Variants in B3GALNT1 observed in about 807,000 individuals in gnomAD.
B3GALNT1 encodes the protein beta-1,3-N-acetylgalactosaminyltransferase 1 (Globoside blood group), also known as UDP-GalNAc:beta-1,3-N-acetylgalactosaminyltransferase 1.
Under a neutral mutation model 27.3 loss-of-function variants are expected in B3GALNT1, and 17 were observed. That is an observed-to-expected ratio of 0.62 (90% CI 0.43 to 0.94). The LOEUF (loss-of-function observed/expected upper bound fraction) is 0.94, where lower values mean the gene tolerates loss of function less well. Among genes scored for constraint, B3GALNT1 ranks in the 40% least tolerant of loss-of-function variants. The pLI, the probability that B3GALNT1 is intolerant of heterozygous loss-of-function variation, is 0.00. For missense variants in B3GALNT1, 347 were observed against 390.0 expected (o/e 0.89, Z 0.93); for synonymous variants, 141 against 144.0 (o/e 0.98, Z 0.15).
chr3:161,095,656 T>C (rs1474468964), intron 4 of B3GALNT1, among the ~76,000 whole-genome samples: 2 of 152,124 alleles, frequency 1.3e-5, no homozygotes, highest in Non-Finnish European at 2.9e-5. Context: ...TGGGGACTTA[T>C]GCCCAGAGGG....
intron 4 of B3GALNT1, among the ~76,000 whole-genome samples, chr3:161,093,877 A>G (rs148255025): frequency 9.4e-4 from 143 of 152,264 alleles, no homozygotes; most frequent in African/African-American, 3.2e-3. Context: ...TATTAACTAC[A>G]TATGAATTTG....
intron 4 of B3GALNT1, among the ~76,000 whole-genome samples, chr3:161,093,539 T>C (rs1400405827): frequency 3.9e-5 from 6 of 152,050 alleles, no homozygotes; most frequent in Admixed American, 3.9e-4. Flanking sequence ...AAATCCCATG[T>C]CCCAGGGGAG....
At position 161,086,758 on chromosome 3, in the gene B3GALNT1, C is replaced by T. The variant is rs762359962; in HGVS notation, c.-4G>A. 1.9e-6 allele frequency: 3 copies of T among 1,613,876 alleles called. No individual in the cohort carries two copies. Among genetic ancestry groups the T allele is most frequent in the Non-Finnish European group, 2.5e-6 (3 of 1,179,932 alleles). The stretch of plus-strand genomic sequence containing the variant: ...CAGTCCAGAGAGCCGAGGCCATCCA[C>T]AGCAGCTCAGAAGCACGCGAGCCGA... On this transcript the variant is annotated 5_prime_UTR_variant, in exon 5 of 5. The change creates a new upstream start codon in the 5' untranslated region. Coordinates refer to ENST00000320474, the MANE Select transcript of B3GALNT1 (RefSeq NM_003781.4).
intron 4 of B3GALNT1, among the ~76,000 whole-genome samples, chr3:161,093,387 T>C (rs1726346566): frequency 6.6e-6 from 1 of 152,188 alleles, no homozygotes; most frequent in Admixed American, 6.5e-5. Flanking sequence ...GGCCTCTGTG[T>C]TCATAGCATG....
rs1419471467 is a variant in B3GALNT1, at chr3:161,091,133, G to C, written c.-34-4345C>G. 2.0e-5 allele frequency among the ~76,000 whole-genome samples: 3 copies of C among 152,202 alleles called. No homozygotes were observed. In the East Asian group the frequency reaches 5.8e-4, roughly 29 times the overall value. ...AGAATAATAAAATTAGCCAGGCATG[G>C]TGGCATGAGCCTGTGGTCCCAGCTA... On this transcript the variant is annotated intron_variant, in intron 4 of 4. Transcript: ENST00000320474.
chr3:161,086,240 T>C lies in B3GALNT1; in HGVS notation c.515A>G (p.Asn172Ser), dbSNP rs747892222. The C allele has an allele frequency of 3.7e-6, 6 of 1,614,188 alleles. No individual in the cohort carries two copies. The highest frequency in any genetic ancestry group is 2.2e-5 in the East Asian group (1 of 44,876). Residue 172 changes from asparagine (N) to serine (S), a missense_variant, in exon 5 of 5, where the codon AAT (asparagine) becomes AGT (serine). Transcript: ENST00000320474. ...AFRWVTEFCP[N>S]AKYVMKTDTD... The stretch of plus-strand genomic sequence containing the variant: ...GTCTGTCTTCATTACGTACTTGGCA[T>C]TGGGGCAAAACTCAGTTACCCACCT...
At chr3:161,098,593 A>T (rs1729526957) in intron 4 of B3GALNT1, among the ~76,000 whole-genome samples, 1 of 152,182 alleles carries the variant, frequency 6.6e-6, no homozygotes, top group Admixed American at 6.5e-5. Flanking sequence ...CATGCCTGTA[A>T]TGCCAGCTAT....
intron 4 of B3GALNT1, among the ~76,000 whole-genome samples, chr3:161,099,274 T>C (rs1223908031): frequency 6.6e-6 from 1 of 151,912 alleles, no homozygotes; most frequent in African/African-American, 2.4e-5. Context: ...GCTTATTCAA[T>C]TTTGTAGGCA....
At chr3:161,098,894 T>G (rs1294067190) in intron 4 of B3GALNT1, among the ~76,000 whole-genome samples, 1 of 152,192 alleles carries the variant, frequency 6.6e-6, no homozygotes, top group African/African-American at 2.4e-5. Flanking sequence ...CCATTTTCAA[T>G]AGGGTTCTTC....
At chr3:161,087,413 T>C (rs1576657524) in intron 4 of B3GALNT1, among the ~76,000 whole-genome samples, 1 of 151,858 alleles carries the variant, frequency 6.6e-6, no homozygotes, top group Non-Finnish European at 1.5e-5. Flanking sequence ...CTCTCTTGAG[T>C]TTTCAAACAC....
At chr3:161,101,345 G>C in intron 3 of B3GALNT1, 112 bp from the exon 4 acceptor site, 1 of 520,418 alleles carries the variant, frequency 1.9e-6, no homozygotes, top group South Asian at 1.6e-5. Context: ...TGGAGGAAGA[G>C]TATCGGGGAG....
chr3:161,086,772 CA>C lies in B3GALNT1; in HGVS notation c.-19del, dbSNP rs1272097617. ...GAGGCCATCCACAGCAGCTCAGAAGCACGCGAGCCGAAGGTTCTGGAAGAGT... is the reference window on the plus strand; with the variant it reads ...GAGGCCATCCACAGCAGCTCAGAAGCCGCGAGCCGAAGGTTCTGGAAGAGT... On this transcript the variant is annotated 5_prime_UTR_variant, in exon 5 of 5. Transcript: ENST00000320474. The C allele has an allele frequency of 6.2e-7, 1 of 1,613,384 alleles. No homozygotes were observed. The highest frequency in any genetic ancestry group is 8.5e-7 in the Non-Finnish European group (1 of 1,179,754).
chr3:161,087,061 C>G (rs1332467835), intron 4 of B3GALNT1, among the ~76,000 whole-genome samples: 1 of 152,068 alleles, frequency 6.6e-6, no homozygotes, highest in Non-Finnish European at 1.5e-5. Flanking sequence ...TAACAGTTTA[C>G]TGTTAAATAT....
chr3:161,101,592 A>G (rs1576765758), intron 3 of B3GALNT1, among the ~76,000 whole-genome samples: 1 of 152,226 alleles, frequency 6.6e-6, no homozygotes, highest in East Asian at 1.9e-4. Context: ...GAAGACTCAC[A>G]ACGACACATT....
At chr3:161,093,669 GA>G (rs1259604736) in intron 4 of B3GALNT1, among the ~76,000 whole-genome samples, 1 of 152,184 alleles carries the variant, frequency 6.6e-6, no homozygotes, top group African/African-American at 2.4e-5. Context: ...TGTCAAGAAA[GA>G]AATTATAACT....
chr3:161,088,633 C>T (rs1407811762), intron 4 of B3GALNT1, among the ~76,000 whole-genome samples: 1 of 152,196 alleles, frequency 6.6e-6, no homozygotes, highest in East Asian at 1.9e-4. Flanking sequence ...TATACGTTTT[C>T]TCCTCACCTG....
chr3:161,103,850 C>G (rs565845637), intron 2 of B3GALNT1: 6 of 179,656 alleles, frequency 3.3e-5, no homozygotes, highest in Non-Finnish European at 5.8e-5. Flanking sequence ...GCCTCAGCCC[C>G]CCGAGGAACT....
At chr3:161,090,013 G>A in intron 4 of B3GALNT1, 1 of 236,756 alleles carries the variant, frequency 4.2e-6, no homozygotes, top group Non-Finnish European at 9.6e-6. Flanking sequence ...AGATTGCAGT[G>A]AGCTGAGATC....
chr3:161,094,657 T>C (rs1385821793), intron 4 of B3GALNT1, among the ~76,000 whole-genome samples: 2 of 151,364 alleles, frequency 1.3e-5, no homozygotes. Context: ...ACAGAGACAA[T>C]AAAAGCTTAA....
Sources: gnomAD v4.1 joint callset for allele counts (sites outside exome capture counted in the v4.1 genomes callset) on GRCh38, gnomAD v4.1.1 for gene constraint, MANE v1.5 for transcripts, NCBI Gene and HGNC (gene_info 2026-07-23, HGNC 2026-07-21) for gene names.